Variants in STPG2 observed in about 807,000 individuals in gnomAD.
The protein encoded by STPG2 is sperm-tail PG-rich repeat-containing protein 2.
STPG2 carries 56 observed loss-of-function variants against 54.2 expected under a neutral mutation model. The ratio of observed to expected loss-of-function variants is 1.03; its 90% confidence interval spans 0.83 to 1.29. STPG2 has a LOEUF of 1.29. STPG2 is among the 50% of genes most tolerant of loss of function. The pLI is 0.00. For synonymous variants in STPG2, 200 were observed against 181.8 expected (o/e 1.10, Z -0.81); for missense variants, 596 against 544.9 (o/e 1.09, Z -0.93).
chr4:97,970,336 G>T (rs1734280180), intron 7 of STPG2, among the ~76,000 whole-genome samples: 1 of 152,120 alleles, frequency 6.6e-6, no homozygotes, highest in African/African-American at 2.4e-5. Flanking sequence ...AACCAAAAAA[G>T]AGCCTGCATT....
At chr4:98,067,395 A>G (rs1235816765) in intron 5 of STPG2, among the ~76,000 whole-genome samples, 1 of 152,182 alleles carries the variant, frequency 6.6e-6, no homozygotes, top group Non-Finnish European at 1.5e-5. Flanking sequence ...ATGCCAATCC[A>G]ATGAGCCAAC....
chr4:97,865,636 G>A (rs1211595051), intron 8 of STPG2, among the ~76,000 whole-genome samples: 1 of 151,734 alleles, frequency 6.6e-6, no homozygotes, highest in African/African-American at 2.4e-5. Context: ...TCACTCATAG[G>A]TGGGAATTGA....
intron 8 of STPG2, among the ~76,000 whole-genome samples, chr4:97,860,331 T>A (rs1011614420): frequency 6.6e-6 from 1 of 152,132 alleles, no homozygotes; most frequent in Non-Finnish European, 1.5e-5. Context: ...ATGGTCATTT[T>A]CGGAATATTG....
At chr4:97,504,300 A>G (rs1349078963) in intron 4 of STPG2, among the ~76,000 whole-genome samples, 1 of 150,832 alleles carries the variant, frequency 6.6e-6, no homozygotes, top group Non-Finnish European at 1.5e-5. Context: ...GGAAAGGAAT[A>G]GTAATTCTTT....
chr4:97,918,945 T>G (rs548990600), intron 8 of STPG2, among the ~76,000 whole-genome samples: 9 of 152,280 alleles, frequency 5.9e-5, no homozygotes, highest in African/African-American at 2.2e-4. Context: ...ACACCACCTG[T>G]TCCCCAAAAA....
chr4:97,730,791 G>A (rs993444867), intron 9 of STPG2, among the ~76,000 whole-genome samples: 2 of 152,048 alleles, frequency 1.3e-5, no homozygotes, highest in African/African-American at 4.8e-5. Context: ...TCCTCAGCTT[G>A]TTCTAATCTG....
At chr4:97,649,857 A>G (rs549890241) in intron 10 of STPG2, among the ~76,000 whole-genome samples, 3 of 152,222 alleles carry the variant, frequency 2.0e-5, no homozygotes, top group East Asian at 3.9e-4. Flanking sequence ...ATTCGAGCAC[A>G]TTACATTTAT....
chr4:97,507,684 T>A (rs1197984208), intron 4 of STPG2, among the ~76,000 whole-genome samples: 1 of 152,020 alleles, frequency 6.6e-6, no homozygotes, highest in Non-Finnish European at 1.5e-5. Context: ...GATAAGGGGC[T>A]AGAAAGACTC....
intron 10 of STPG2, among the ~76,000 whole-genome samples, chr4:97,637,585 T>G (rs1721601429): frequency 6.6e-6 from 1 of 152,192 alleles, no homozygotes; most frequent in Non-Finnish European, 1.5e-5. Context: ...ATTGTATATC[T>G]AGAAAACTCC....
intron 4 of STPG2, among the ~76,000 whole-genome samples, chr4:97,502,890 ATC>A (rs929366549): frequency 4.6e-5 from 7 of 150,828 alleles, no homozygotes; most frequent in Non-Finnish European, 1.5e-5. Context: ...GTGAATAGCA[ATC>A]TCTCTCTCTC....
chr4:97,894,944 T>A (rs749099558), intron 8 of STPG2, among the ~76,000 whole-genome samples: 1 of 151,944 alleles, frequency 6.6e-6, no homozygotes, highest in East Asian at 1.9e-4. Context: ...GATCTATCAC[T>A]TGCAGTCTCA....
At chr4:97,809,167 G>T (rs918707475) in intron 9 of STPG2, among the ~76,000 whole-genome samples, 8 of 152,114 alleles carry the variant, frequency 5.3e-5, no homozygotes, top group Non-Finnish European at 1.0e-4. Flanking sequence ...ATTAAATAAT[G>T]AAAATGCTCT....
chr4:97,853,281 C>G (rs1474925453), intron 8 of STPG2, among the ~76,000 whole-genome samples: 3 of 152,030 alleles, frequency 2.0e-5, no homozygotes, highest in Non-Finnish European at 2.9e-5. Context: ...AATATATTTT[C>G]TAATGAATGA....
intron 10 of STPG2, among the ~76,000 whole-genome samples, chr4:97,637,157 C>T (rs1447451378): frequency 6.6e-6 from 1 of 152,202 alleles, no homozygotes; most frequent in Non-Finnish European, 1.5e-5. Context: ...ATCGAGTGGG[C>T]TTCATCCCTG....
rs1000696422 is a variant in STPG2 at position 97,679,782 on chromosome 4, C to T, written c.1320+32917G>A. Among the ~76,000 whole-genome samples, 38 of 152,134 alleles carry T rather than the reference C, an allele frequency of 2.5e-4. 1 individual carries two copies. Among genetic ancestry groups the T allele is most frequent in the South Asian group, 2.1e-4 (1 of 4,826 alleles). The stretch of plus-strand genomic sequence containing the variant: ...TAGGTCTAATGTTTAAGTCTTTAAT[C>T]CATCTTGAATGAATTTTTGTATAAG... On this transcript the variant is annotated intron_variant, in intron 10 of 10. Coordinates refer to ENST00000295268, the MANE Select transcript of STPG2 (RefSeq NM_174952.3).
chr4:97,514,310 A>G (rs1031750873), intron 4 of STPG2, among the ~76,000 whole-genome samples: 1 of 152,056 alleles, frequency 6.6e-6, no homozygotes, highest in African/African-American at 2.4e-5. Flanking sequence ...ATGAATGAGA[A>G]AGGAGTCTGA....
chr4:97,680,407 C>A (rs1053623689), intron 10 of STPG2, among the ~76,000 whole-genome samples: 2 of 152,148 alleles, frequency 1.3e-5, no homozygotes, highest in South Asian at 4.2e-4. Context: ...TGGGAGTTCA[C>A]TCATGATTTG....
At chr4:97,585,757 C>T (rs138920607) in intron 10 of STPG2, among the ~76,000 whole-genome samples, 82 of 151,940 alleles carry the variant, frequency 5.4e-4, no homozygotes, top group Non-Finnish European at 1.0e-3. Context: ...CCAGATAAAC[C>T]AAAAAGCTTA....
At chr4:97,705,310 C>T (rs557960056) in intron 10 of STPG2, among the ~76,000 whole-genome samples, 1 of 150,722 alleles carries the variant, frequency 6.6e-6, no homozygotes, top group Non-Finnish European at 1.5e-5. Context: ...AGTCTTACTC[C>T]CTTTGTCTAA....
Sources: gnomAD v4.1 joint callset for allele counts (sites outside exome capture counted in the v4.1 genomes callset) on GRCh38, gnomAD v4.1.1 for gene constraint, MANE v1.5 for transcripts, NCBI Gene and HGNC (gene_info 2026-07-23, HGNC 2026-07-21) for gene names.